The following STYXL1 variants were observed in gnomAD, a reference collection of about 807,000 sequenced individuals.
STYXL1 encodes the protein serine/threonine/tyrosine-interacting-like protein 1.
In STYXL1, 32 loss-of-function variants were observed where a neutral mutation model predicts 36.4. That is an observed-to-expected ratio of 0.88 (90% CI 0.66 to 1.18). STYXL1 has a LOEUF of 1.18. Ranked by LOEUF, STYXL1 falls within the 50% of genes most tolerant of loss-of-function variation. STYXL1 has a pLI of 0.00. For missense variants in STYXL1, 354 were observed against 394.1 expected (o/e 0.90, Z 0.86); for synonymous variants, 133 against 144.1 (o/e 0.92, Z 0.55).
chr7:76,021,242 C>T (rs781876618), intron 4 of STYXL1, among the ~76,000 whole-genome samples: 5 of 152,048 alleles, frequency 3.3e-5, no homozygotes, highest in Admixed American at 6.6e-5. Flanking sequence ...CCACCATGCC[C>T]GGCTAATTTT....
At chr7:76,026,316 G>C (rs1794723499) in intron 3 of STYXL1, among the ~76,000 whole-genome samples, 1 of 146,286 alleles carries the variant, frequency 6.8e-6, no homozygotes, top group African/African-American at 2.5e-5. Flanking sequence ...TATTACTTTT[G>C]AGACAGGGTC....
intron 3 of STYXL1, among the ~76,000 whole-genome samples, chr7:76,024,001 A>T (rs1413522439): frequency 6.6e-6 from 1 of 152,112 alleles, no homozygotes; most frequent in Non-Finnish European, 1.5e-5. Context: ...CAACAGAGTG[A>T]AACTGTCTCA....
At chr7:76,002,379 C>T (rs12531559) in intron 7 of STYXL1, among the ~76,000 whole-genome samples, 83,762 of 152,054 alleles carry the variant, frequency 0.55, 25,386 homozygotes, top group Non-Finnish European at 0.7. Flanking sequence ...GATAAGCCTA[C>T]CAAGTGCAAA....
rs781975514 is a variant in STYXL1 at position 76,037,860 on chromosome 7, C to T, written c.-4-7333G>A. ...AGGGTCAGGGTCCACAGCCAATCCCCACCGCTGTTCTGGTTCGCGGTGGGA... is the reference window on the plus strand; with the variant it reads ...AGGGTCAGGGTCCACAGCCAATCCCTACCGCTGTTCTGGTTCGCGGTGGGA... On this transcript the variant is annotated intron_variant, in intron 1 of 8. Transcript: ENST00000359697. Among the ~76,000 whole-genome samples, 20 of 149,984 alleles carry T rather than the reference C, an allele frequency of 1.3e-4. 2 individuals carry two copies. The highest frequency in any genetic ancestry group is 2.4e-4 in the Non-Finnish European group (16 of 67,068).
rs1790155996 is a variant in STYXL1 at position 75,996,599 on chromosome 7, T to C, written c.811A>G (p.Arg271Gly). The stretch of plus-strand genomic sequence containing the variant: ...CACTTCTTGACATAGGCCCAGGACC[T>C]CTATGAATACAAAGAGAGAAAGTGA... The part of the protein sequence containing the change: ...LMHSNEQTLQ[R>G]SWAYVKKCKN... Residue 271 changes from arginine (R) to glycine (G), a missense_variant and splice_region_variant, in exon 9 of 9, where the codon AGG becomes GGG. Arg to Gly is a moderately radical substitution (Grantham distance 125, BLOSUM62 -2). Coordinates refer to ENST00000359697, the MANE Select transcript of STYXL1 (RefSeq NM_001317785.2). The C allele has an allele frequency of 1.2e-6, 2 of 1,614,052 alleles. No homozygotes were observed. The highest frequency in any genetic ancestry group is 2.2e-5 in the East Asian group (1 of 44,886).
At chr7:76,007,610 T>A (rs981955210) in intron 5 of STYXL1, among the ~76,000 whole-genome samples, 4 of 151,912 alleles carry the variant, frequency 2.6e-5, no homozygotes, top group Admixed American at 1.3e-4. Context: ...AAACAACACG[T>A]ACATTAGCAA....
chr7:76,043,416 C>T lies in STYXL1; in HGVS notation c.-5+4246G>A, dbSNP rs542141203. Among the ~76,000 whole-genome samples, 9 of 152,166 alleles carry T rather than the reference C, an allele frequency of 5.9e-5. No individual in the cohort carries two copies. The South Asian group carries it at 1.7e-3, about 28-fold the overall frequency. ...TCAGCCTCCCGAAGTGCTGGGATTA[C>T]AGGCGTGAGTCACCGCACCCAGCCG... is the stretch of plus-strand genomic sequence containing the variant. On this transcript the variant is annotated intron_variant, in intron 1 of 8. Transcript: ENST00000359697.
chr7:76,046,335 T>A (rs1306904770), intron 1 of STYXL1, among the ~76,000 whole-genome samples: 1 of 19,040 alleles, frequency 5.3e-5, no homozygotes, highest in African/African-American at 2.0e-4. Flanking sequence ...TGTGTGTGTG[T>A]GTGTGCGCGC....
In STYXL1 at chr7:76,003,779, G is replaced by C. The variant is rs576061630; in HGVS notation, c.676C>G (p.Arg226Gly). 2 of 1,614,066 alleles carry C rather than the reference G, an allele frequency of 1.2e-6. No individual in the cohort carries two copies. Among genetic ancestry groups the C allele is most frequent in the South Asian group, 1.1e-5 (1 of 91,088 alleles). Residue 226 changes from arginine (R) to glycine (G), a missense_variant, in exon 7 of 9, where the codon CGC becomes GGC. Arg to Gly is a moderately radical substitution (Grantham distance 125). Transcript: ENST00000359697. ...SPEAQILPFL[R>G]HMCHFIEIHH... ...TTACCAATGAAGTGACACATGTGGC[G>C]TAAGAAGGGAAGAATCTGGGCTTCC...
At chr7:76,019,748 C>A (rs576881052) in intron 4 of STYXL1, among the ~76,000 whole-genome samples, 1 of 152,136 alleles carries the variant, frequency 6.6e-6, no homozygotes, top group South Asian at 2.1e-4. Context: ...GAGAGAGAAT[C>A]TGCAGCTCTC....
chr7:76,041,784 T>C (rs1472104477), intron 1 of STYXL1, among the ~76,000 whole-genome samples: 1 of 152,238 alleles, frequency 6.6e-6, no homozygotes, highest in African/African-American at 2.4e-5. Context: ...ATTTGTATAT[T>C]TTCCTATCCG....
rs8565 is a variant in STYXL1, at chr7:76,000,956, T to C, written c.744A>G (p.Gln248=). The change falls in exon 8 of 9, where the codon CAA becomes CAG. Residue 248 remains glutamine, a synonymous_variant. Coordinates refer to ENST00000359697, the MANE Select transcript of STYXL1 (RefSeq NM_001317785.2). ...TGGCGGCACAACTGCGGCTGATACCTTGGGTGGAAAAGATCAGAATGACAG... is the reference window on the plus strand; with the variant it reads ...TGGCGGCACAACTGCGGCTGATACCCTGGGTGGAAAAGATCAGAATGACAG... ...LGSVILIFST[Q]GISRSCAAII... 0.71 allele frequency: 1,143,547 copies of C among 1,613,696 alleles called. 407,967 individuals carry two copies. The highest frequency in any genetic ancestry group is 0.73 in the Non-Finnish European group (866,503 of 1,179,754).
chr7:76,013,708 T>A (rs1792892533), intron 5 of STYXL1, 34 bp downstream of exon 5: 1 of 1,613,334 alleles, frequency 6.2e-7, no homozygotes. Context: ...ATCCTTCCCG[T>A]CTGGGCCTGC....
intron 1 of STYXL1, among the ~76,000 whole-genome samples, chr7:76,042,927 A>C (rs1374380521): frequency 6.6e-6 from 1 of 152,156 alleles, no homozygotes; most frequent in East Asian, 1.9e-4. Context: ...TTGTGCAGGC[A>C]CAGAGGCTGG....
intron 4 of STYXL1, among the ~76,000 whole-genome samples, chr7:76,017,876 A>AAAAAAAAAAAAAAAAAAAAAAAAC (rs1793584207): frequency 6.8e-6 from 1 of 146,380 alleles, no homozygotes. Flanking sequence ...CAAAAAAAAA[A>AAAAAAAAAAAAAAAAAAAAAAAAC]AAAAAGGCAA....
At chr7:76,017,574 A>C (rs1468762830) in intron 4 of STYXL1, among the ~76,000 whole-genome samples, 1 of 151,802 alleles carries the variant, frequency 6.6e-6, no homozygotes, top group African/African-American at 2.4e-5. Flanking sequence ...ACAGAGAGAG[A>C]GGGACAGGGG....
intron 3 of STYXL1, among the ~76,000 whole-genome samples, chr7:76,023,045 C>T (rs935719704): frequency 6.6e-6 from 1 of 152,172 alleles, no homozygotes. Flanking sequence ...GACTTACTGG[C>T]AGGTAACACT....
At chr7:76,025,644 G>T (rs571249814) in intron 3 of STYXL1, among the ~76,000 whole-genome samples, 40 of 152,196 alleles carry the variant, frequency 2.6e-4, no homozygotes, top group African/African-American at 9.4e-4. Context: ...ATAAAAATTA[G>T]CCAGGTGTGG....
chr7:75,996,692 G>T, intron 8 of STYXL1, 93 bp from the exon 9 acceptor site: 3 of 1,248,548 alleles, frequency 2.4e-6, no homozygotes, highest in Non-Finnish European at 3.4e-6. Flanking sequence ...GGAGGCACTT[G>T]CACAGTGCCA....
Sources: gnomAD v4.1 joint callset for allele counts (sites outside exome capture counted in the v4.1 genomes callset) on GRCh38, gnomAD v4.1.1 for gene constraint, MANE v1.5 for transcripts, NCBI Gene and HGNC (gene_info 2026-07-23, HGNC 2026-07-21) for gene names.